The following PAPPA2 variants were observed in gnomAD, a reference collection of about 807,000 sequenced individuals.
PAPPA2 encodes the protein pappalysin 2.
A neutral mutation model predicts 176.4 loss-of-function variants in PAPPA2; 86 were observed. The observed-to-expected ratio is 0.49, with a 90% CI of 0.41 to 0.58. The LOEUF (loss-of-function observed/expected upper bound fraction) is 0.58, where lower values mean the gene tolerates loss of function less well. PAPPA2 is among the 20% of genes least tolerant of loss of function. PAPPA2 has a pLI of 0.00. For synonymous variants in PAPPA2, 809 were observed against 852.2 expected (o/e 0.95, Z 0.88); for missense variants, 2,073 against 2,256.9 (o/e 0.92, Z 1.65).
intron 1 of PAPPA2, among the ~76,000 whole-genome samples, chr1:176,550,142 A>G (rs1461845251): frequency 2.0e-5 from 3 of 152,186 alleles, no homozygotes; most frequent in Admixed American, 6.5e-5. Context: ...AGCATAATGC[A>G]TTTGAAATTG....
At chr1:176,677,912 A>G (rs1286852408) in intron 4 of PAPPA2, among the ~76,000 whole-genome samples, 1 of 152,232 alleles carries the variant, frequency 6.6e-6, no homozygotes, top group African/African-American at 2.4e-5. Flanking sequence ...TGATTGGGAG[A>G]CAGATATGTC....
At chr1:176,625,725 A>G (rs1450356454) in intron 3 of PAPPA2, among the ~76,000 whole-genome samples, 1 of 152,212 alleles carries the variant, frequency 6.6e-6, no homozygotes, top group Non-Finnish European at 1.5e-5. Context: ...ATATGTGGAG[A>G]AGAGTATATA....
chr1:176,705,010 T>A (rs1660818163), intron 9 of PAPPA2, among the ~76,000 whole-genome samples: 1 of 152,174 alleles, frequency 6.6e-6, no homozygotes, highest in African/African-American at 2.4e-5. Context: ...ATATTGATTG[T>A]TTAGATTATC....
intron 17 of PAPPA2, among the ~76,000 whole-genome samples, chr1:176,785,094 A>G (rs1272457864): frequency 2.0e-5 from 3 of 152,152 alleles, no homozygotes; most frequent in Non-Finnish European, 4.4e-5. Flanking sequence ...GGTAACAAAA[A>G]CATGAACAGG....
chr1:176,536,388 A>C (rs1650068734), intron 1 of PAPPA2, among the ~76,000 whole-genome samples: 1 of 152,252 alleles, frequency 6.6e-6, no homozygotes, highest in Admixed American at 6.5e-5. Context: ...ATCATGCTAC[A>C]TAACAATCTT....
intron 1 of PAPPA2, among the ~76,000 whole-genome samples, chr1:176,539,445 T>C (rs1463310421): frequency 1.3e-5 from 2 of 152,148 alleles, no homozygotes; most frequent in Non-Finnish European, 2.9e-5. Flanking sequence ...TCTACAAACA[T>C]TTACTGTGGC....
chr1:176,785,167 G>A (rs1007483416), intron 17 of PAPPA2, among the ~76,000 whole-genome samples: 3 of 152,116 alleles, frequency 2.0e-5, no homozygotes, highest in African/African-American at 7.2e-5. Flanking sequence ...CAAATTTCTT[G>A]GGACTAGGAA....
chr1:176,701,811 T>C (rs1660661611), intron 8 of PAPPA2, among the ~76,000 whole-genome samples: 1 of 152,186 alleles, frequency 6.6e-6, no homozygotes, highest in African/African-American at 2.4e-5. Flanking sequence ...GGGCAGGCAC[T>C]GGGCAAAATT....
At chr1:176,764,864 G>A (rs1453424917) in intron 14 of PAPPA2, among the ~76,000 whole-genome samples, 1 of 152,178 alleles carries the variant, frequency 6.6e-6, no homozygotes, top group African/African-American at 2.4e-5. Context: ...CCAAAGCGCT[G>A]GGATTATGGG....
intron 12 of PAPPA2, among the ~76,000 whole-genome samples, chr1:176,731,718 C>CATATATATGT (rs1558548861): frequency 6.9e-6 from 1 of 145,956 alleles, no homozygotes; most frequent in African/African-American, 2.5e-5. Flanking sequence ...TATATATACA[C>CATATATATGT]ACATATATGT....
At chr1:176,491,732 T>G (rs1558399653) in intron 1 of PAPPA2, among the ~76,000 whole-genome samples, 1 of 152,204 alleles carries the variant, frequency 6.6e-6, no homozygotes, top group Non-Finnish European at 1.5e-5. Context: ...GCATTAGTAG[T>G]TATTTGTTTT....
In PAPPA2 at chr1:176,706,811, C is replaced by T. The variant is rs747430624; in HGVS notation, c.3457+361C>T. On this transcript the variant is annotated intron_variant, in intron 10 of 22. Transcript: ENST00000367662. ...ATTTATCTTGGACCCTCCAGGGTAA[C>T]GCCAATATGTCAGGTAAGTAGCACA... Among the ~76,000 whole-genome samples, 5 of 152,058 alleles carry T rather than the reference C, an allele frequency of 3.3e-5. 1 individual carries two copies. Among genetic ancestry groups the T allele is most frequent in the East Asian group, 3.9e-4 (2 of 5,184 alleles).
intron 3 of PAPPA2, among the ~76,000 whole-genome samples, chr1:176,619,399 GC>G (rs1172682507): frequency 6.6e-6 from 1 of 152,172 alleles, no homozygotes; most frequent in Non-Finnish European, 1.5e-5. Context: ...TAACTCAGGT[GC>G]CAATTTTGAC....
rs1558479058 is a variant in PAPPA2, at chr1:176,623,618, C to CTTTCTTTCTTTCTTT, written c.1991+28023_1991+28024insTTTCTTTCTTTCTTT. 3.0e-3 allele frequency among the ~76,000 whole-genome samples: 228 copies of CTTTCTTTCTTTCTTT among 75,242 alleles called. 1 individual carries two copies. Among genetic ancestry groups the CTTTCTTTCTTTCTTT allele is most frequent in the Middle Eastern group, 7.7e-3 (1 of 130 alleles). 49.4% of individuals were successfully genotyped at this position (75,242 alleles called of 152,430 possible). A position where few individuals can be genotyped will look rare whatever the true frequency, so the allele number is the denominator to read the frequency against. ...TCCTTCCTTCCTTCCTTCCTTCCTT[C>CTTTCTTTCTTTCTTT]CTTCCTTTTTTACTTTCTTTCTTTC... On this transcript the variant is annotated intron_variant, in intron 3 of 22. Coordinates refer to ENST00000367662, the MANE Select transcript of PAPPA2 (RefSeq NM_020318.3).
At chr1:176,550,140 G>A (rs1028945259) in intron 1 of PAPPA2, among the ~76,000 whole-genome samples, 6 of 152,188 alleles carry the variant, frequency 3.9e-5, no homozygotes, top group East Asian at 3.9e-4. Flanking sequence ...TTAGCATAAT[G>A]CATTTGAAAT....
chr1:176,506,822 C>T (rs1432831739), intron 1 of PAPPA2, among the ~76,000 whole-genome samples: 1 of 151,990 alleles, frequency 6.6e-6, no homozygotes, highest in Admixed American at 6.6e-5. Flanking sequence ...CTTTGTAAGA[C>T]CTCAAACTAT....
At chr1:176,754,547 T>C (rs1663329660) in intron 14 of PAPPA2, among the ~76,000 whole-genome samples, 1 of 152,234 alleles carries the variant, frequency 6.6e-6, no homozygotes, top group Non-Finnish European at 1.5e-5. Flanking sequence ...TATTCTCTTA[T>C]GGATTTTGAT....
rs547891472 is a variant in PAPPA2 at position 176,655,035 on chromosome 1, T to G, written c.1992-15935T>G. Among the ~76,000 whole-genome samples, 735 of 151,984 alleles carry G rather than the reference T, an allele frequency of 4.8e-3. 6 individuals carry two copies. Among genetic ancestry groups the G allele is most frequent in the Admixed American group, 7.6e-3 (116 of 15,238 alleles). On this transcript the variant is annotated intron_variant, in intron 3 of 22. Coordinates refer to ENST00000367662, the MANE Select transcript of PAPPA2 (RefSeq NM_020318.3). ...AGTAAGCAGAGATAATTTGACCTCTTCTTTTCTAATTTAGATGCCTGTTTT... is the reference window on the plus strand; with the variant it reads ...AGTAAGCAGAGATAATTTGACCTCTGCTTTTCTAATTTAGATGCCTGTTTT...
intron 1 of PAPPA2, among the ~76,000 whole-genome samples, chr1:176,484,165 C>T (rs766291731): frequency 1.3e-5 from 2 of 152,134 alleles, no homozygotes; most frequent in South Asian, 4.1e-4. Flanking sequence ...AATTTCAATC[C>T]GTTCTCCTCC....
Sources: allele counts gnomAD v4.1 joint callset (sites outside exome capture counted in the v4.1 genomes callset), GRCh38; gene constraint gnomAD v4.1.1; transcripts MANE v1.5; gene names NCBI Gene and HGNC (gene_info 2026-07-23, HGNC 2026-07-21).